Variants in ZNF407 observed in about 807,000 individuals in gnomAD.
ZNF407 encodes the protein zinc finger protein 407.
ZNF407 carries 17 observed loss-of-function variants against 131.2 expected under a neutral mutation model. The ratio of observed to expected loss-of-function variants is 0.13; its 90% CI spans 0.09 to 0.19. The LOEUF is 0.19. ZNF407 is among the 10% of genes least tolerant of loss of function. ZNF407 has a pLI of 1.00. For synonymous variants in ZNF407, 1,156 were observed against 1,062.0 expected (o/e 1.09, Z -1.72); for missense variants, 2,681 against 2,830.6 (o/e 0.95, Z 1.20).
In ZNF407 at chr18:75,063,744, T is replaced by C; in HGVS notation, c.6023T>C (p.Leu2008Pro). The C allele has an allele frequency of 6.2e-7, 1 of 1,611,834 alleles. No individual in the cohort carries two copies. The highest frequency in any genetic ancestry group is 8.5e-7 in the Non-Finnish European group (1 of 1,179,706). Residue 2008 changes from leucine (L) to proline (P), a missense_variant, in exon 9 of 9, where the codon CTC becomes CCC. By Grantham distance (98) the Leu-to-Pro change is moderately conservative (BLOSUM62 -3). This residue lies in a region of ZNF407 where 620 missense variants were observed against 583.1 expected (regional missense o/e 1.06). Coordinates refer to ENST00000299687, the MANE Select transcript of ZNF407 (RefSeq NM_017757.3). The surrounding 1 kb of genome is among the most constrained non-coding windows in gnomAD (Gnocchi z 6.6). ...ELGEVEGRAG[L>P]EEQGRPGAKD... ...GGGGAGGTGGAGGGCAGGGCTGGGC[T>C]CGAGGAGCAAGGCAGGCCCGGCGCC...
At chr18:74,680,879 G>A (rs185889140) in intron 3 of ZNF407, among the ~76,000 whole-genome samples, 13 of 152,204 alleles carry the variant, frequency 8.5e-5, no homozygotes, top group Admixed American at 6.5e-4. Flanking sequence ...GGTTTTCAGT[G>A]CTCACCCTTT....
In ZNF407 at chr18:75,064,150, G is replaced by T. The variant is rs774890053; in HGVS notation, c.6429G>T (p.Ser2143=). 6.2e-7 allele frequency: 1 copy of T among 1,603,594 alleles called. No homozygotes were observed. Among genetic ancestry groups the T allele is most frequent in the South Asian group, 1.1e-5 (1 of 88,980 alleles). ...MDLVESDGEI[S]QIIVTEELVQ... ...TGGTGGAGTCCGACGGGGAGATCTC[G>T]CAGATCATCGTGACGGAGGAGCTGG... The change falls in exon 9 of 9, where the codon TCG becomes TCT. Residue 2143 remains serine, a synonymous_variant. Coordinates refer to ENST00000299687, the MANE Select transcript of ZNF407 (RefSeq NM_017757.3).
chr18:74,971,464 C>T (rs958091565), intron 8 of ZNF407, among the ~76,000 whole-genome samples: 3 of 152,160 alleles, frequency 2.0e-5, no homozygotes, highest in Admixed American at 1.3e-4. Context: ...ATTTCTTCTG[C>T]CAGATACCCT....
chr18:75,041,604 A>G (rs1973374003), intron 8 of ZNF407, among the ~76,000 whole-genome samples: 1 of 144,876 alleles, frequency 6.9e-6, no homozygotes, highest in South Asian at 2.2e-4. Context: ...ACTGTAGCGC[A>G]TGTGTGTGCA....
At position 74,632,113 on chromosome 18, in the gene ZNF407, A is replaced by T; in HGVS notation, c.1094A>T (p.His365Leu). The T allele has an allele frequency of 6.2e-7, 1 of 1,614,010 alleles. No homozygotes were observed. Among genetic ancestry groups the T allele is most frequent in the Non-Finnish European group, 8.5e-7 (1 of 1,179,898 alleles). The change falls in exon 2 of 9, where the codon CAT becomes CTT. Residue 365 changes from histidine to leucine, a missense_variant. This residue lies in a region of ZNF407 where 1,789 missense variants were observed against 1,748.7 expected (regional missense o/e 1.02). Transcript: ENST00000299687. Reference protein sequence around the residue: ...LSQEVEIVEEHVTSLGLAQNP... With the variant: ...LSQEVEIVEELVTSLGLAQNP... ...CAGGAAGTAGAGATTGTTGAAGAAC[A>T]TGTTACTTCCCTTGGTCTAGCTCAG...
rs1008200356 is a variant in ZNF407 at position 75,060,120 on chromosome 18, T to G, written c.5429-3030T>G. ...AGCACCAAACCTCAGGAAGAGGAAGTCGTGTTCCGGAAGTGCCTGCTACCC... is the reference window on the plus strand; with the variant it reads ...AGCACCAAACCTCAGGAAGAGGAAGGCGTGTTCCGGAAGTGCCTGCTACCC... On this transcript the variant is annotated intron_variant, in intron 8 of 8. Transcript: ENST00000299687. 2.6e-5 allele frequency: 4 copies of G among 152,180 alleles called. No homozygotes were observed. The East Asian group carries it at 7.7e-4, about 29-fold the overall frequency. The allele number at this position is 152,180 out of a possible 1,614,324, so 9.4% of individuals were successfully genotyped here. A position where few individuals can be genotyped will look rare whatever the true frequency, so the allele number is the denominator to read the frequency against.
chr18:75,047,714 G>A (rs542938333), intron 8 of ZNF407, among the ~76,000 whole-genome samples: 3 of 152,200 alleles, frequency 2.0e-5, no homozygotes, highest in Non-Finnish European at 4.4e-5. Context: ...TAATGCAAAC[G>A]TACAAGCACA....
At chr18:74,789,507 G>A (rs1969784427) in intron 4 of ZNF407, among the ~76,000 whole-genome samples, 1 of 152,182 alleles carries the variant, frequency 6.6e-6, no homozygotes, top group African/African-American at 2.4e-5. Context: ...GATGAACCTG[G>A]GAACTGGGTT....
intron 8 of ZNF407, among the ~76,000 whole-genome samples, chr18:74,955,918 C>CT (rs1972270471): frequency 1.3e-5 from 2 of 152,310 alleles, no homozygotes; most frequent in Middle Eastern, 3.4e-3. Flanking sequence ...CAAGACCATA[C>CT]TTTTTTGTAC....
intron 3 of ZNF407, among the ~76,000 whole-genome samples, chr18:74,755,541 C>T (rs1968911908): frequency 1.1e-5 from 1 of 93,640 alleles, no homozygotes; most frequent in African/African-American, 3.6e-5. Context: ...CCCTCTCTCC[C>T]TCCCTCCCTT....
chr18:74,847,939 C>G (rs965560792), intron 4 of ZNF407, among the ~76,000 whole-genome samples: 2 of 150,092 alleles, frequency 1.3e-5, no homozygotes, highest in African/African-American at 4.9e-5. Context: ...CCTTTTTTTC[C>G]TCTCATGTAA....
At chr18:74,991,870 T>C (rs986387495) in intron 8 of ZNF407, among the ~76,000 whole-genome samples, 13 of 152,238 alleles carry the variant, frequency 8.5e-5, no homozygotes, top group African/African-American at 3.1e-4. Flanking sequence ...TCAAACAGTT[T>C]TGAGAGAAAA....
chr18:74,915,428 TGTG>T (rs1971738414), intron 7 of ZNF407, among the ~76,000 whole-genome samples: 1 of 139,148 alleles, frequency 7.2e-6, no homozygotes, highest in Non-Finnish European at 1.6e-5. Context: ...TGTGTGTGCA[TGTG>T]TGTACTGGTA....
At chr18:74,600,966 T>C (rs946452951) in intron 1 of ZNF407, among the ~76,000 whole-genome samples, 1 of 152,140 alleles carries the variant, frequency 6.6e-6, no homozygotes, top group Non-Finnish European at 1.5e-5. Flanking sequence ...TTAGAGGCTG[T>C]TGCATTTATA....
intron 8 of ZNF407, among the ~76,000 whole-genome samples, chr18:75,050,352 G>A (rs1196701315): frequency 1.3e-5 from 2 of 152,152 alleles, no homozygotes; most frequent in Admixed American, 6.5e-5. Flanking sequence ...ATAAATTTAA[G>A]TGACTGTCTA....
chr18:74,950,308 T>C (rs1040729350), intron 8 of ZNF407, among the ~76,000 whole-genome samples: 2 of 152,230 alleles, frequency 1.3e-5, no homozygotes, highest in African/African-American at 2.4e-5. Flanking sequence ...ACTTAATGCT[T>C]ACATATTTTA....
Position 75,023,186 on chromosome 18 carries a change from G to T in ZNF407, c.5429-39964G>T, listed in dbSNP as rs570217766. Among the ~76,000 whole-genome samples the T allele has an allele frequency of 1.8e-4, 28 of 152,214 alleles. No individual in the cohort carries two copies. In the South Asian group the frequency reaches 4.6e-3, roughly 25 times the overall value. On this transcript the variant is annotated intron_variant, in intron 8 of 8. Coordinates refer to ENST00000299687, the MANE Select transcript of ZNF407 (RefSeq NM_017757.3). ...ACACGCTGGGGTCTGAAGTAGGGGG[G>T]CAGGGAGAGCATCAGGATAAATAGC...
At chr18:74,860,915 T>C (rs1970929244) in intron 4 of ZNF407, among the ~76,000 whole-genome samples, 1 of 152,192 alleles carries the variant, frequency 6.6e-6, no homozygotes, top group South Asian at 2.1e-4. Context: ...TCATATTTTA[T>C]AAATAAAGCT....
chr18:74,887,145 A>G (rs1971321563), intron 6 of ZNF407, among the ~76,000 whole-genome samples: 1 of 152,174 alleles, frequency 6.6e-6, no homozygotes. Context: ...TTCTGTGTCA[A>G]ATTTGAATAG....
Sources: gnomAD v4.1 joint callset for allele counts (sites outside exome capture counted in the v4.1 genomes callset) on GRCh38, gnomAD v4.1.1 for gene constraint, gnomAD v4.1.1 regional missense constraint, Gnocchi (gnomAD v3.1) non-coding constraint, MANE v1.5 for transcripts, NCBI Gene and HGNC (gene_info 2026-07-23, HGNC 2026-07-21) for gene names.